DOCK2: variants seen among roughly 807,000 people sequenced by gnomAD.
DOCK2 encodes the protein dedicator of cytokinesis 2.
Under a neutral mutation model 248.9 loss-of-function variants are expected in DOCK2, and 87 were observed. The observed-to-expected ratio is 0.35, with a 90% confidence interval of 0.29 to 0.42. DOCK2 has a LOEUF of 0.42. DOCK2 is among the 10% of genes least tolerant of loss of function. DOCK2 has a pLI of 1.00. For missense variants in DOCK2, 1,747 were observed against 2,300.2 expected (o/e 0.76, Z 4.92); for synonymous variants, 805 against 821.6 (o/e 0.98, Z 0.35).
chr5:169,648,449 CTG>C (rs1167196919), intron 1 of DOCK2, among the ~76,000 whole-genome samples: 19 of 152,186 alleles, frequency 1.2e-4, no homozygotes, highest in African/African-American at 4.3e-4. Context: ...TCGCTAAAAA[CTG>C]TGCGCTACAA....
At chr5:169,914,541 A>T (rs1226421940) in intron 27 of DOCK2, among the ~76,000 whole-genome samples, 2 of 152,328 alleles carry the variant, frequency 1.3e-5, no homozygotes, top group South Asian at 2.1e-4. Flanking sequence ...GAATGTTAAA[A>T]CTGGCAGATA....
intron 30 of DOCK2, among the ~76,000 whole-genome samples, chr5:170,001,712 G>A (rs570506187): frequency 1.3e-5 from 2 of 152,326 alleles, no homozygotes; most frequent in East Asian, 3.9e-4. Flanking sequence ...CAGACGTGAT[G>A]TGCGATACTG....
At chr5:169,666,067 T>G (rs1326620824) in intron 2 of DOCK2, among the ~76,000 whole-genome samples, 1 of 152,178 alleles carries the variant, frequency 6.6e-6, no homozygotes, top group Admixed American at 6.5e-5. Context: ...TAAGAGGAAT[T>G]TATTCCTCAT....
chr5:170,079,849 C>A (rs995258736), intron 49 of DOCK2: 5 of 229,028 alleles, frequency 2.2e-5, no homozygotes, highest in Non-Finnish European at 4.2e-5. Context: ...TCCCAGTGGG[C>A]CTCGCAGGCT....
intron 7 of DOCK2, among the ~76,000 whole-genome samples, chr5:169,682,803 C>A (rs1759740990): frequency 6.6e-6 from 1 of 152,132 alleles, no homozygotes; most frequent in Admixed American, 6.5e-5. Flanking sequence ...TCTTTGTGCT[C>A]CTTCTCCAGC....
chr5:169,880,317 C>T (rs1233282579), intron 27 of DOCK2, among the ~76,000 whole-genome samples: 1 of 152,200 alleles, frequency 6.6e-6, no homozygotes, highest in Non-Finnish European at 1.5e-5. Context: ...CACCTTCTGC[C>T]TTCCAGGCAT....
intron 27 of DOCK2, among the ~76,000 whole-genome samples, chr5:169,970,024 C>T (rs1459899361): frequency 1.3e-5 from 2 of 152,240 alleles, no homozygotes; most frequent in Non-Finnish European, 2.9e-5. Flanking sequence ...CTACAGGCTG[C>T]CTTTTTGAGG....
chr5:169,917,673 AAATGAAGGGGAG>A, intron 27 of DOCK2, among the ~76,000 whole-genome samples: 2 of 152,316 alleles, frequency 1.3e-5, no homozygotes, highest in East Asian at 3.9e-4. Context: ...ATAGAAAGAG[AAATGAAGGGGAG>A]AACATGTCCC....
At chr5:169,907,620 CT>C (rs2113607812) in intron 27 of DOCK2, among the ~76,000 whole-genome samples, 1 of 152,290 alleles carries the variant, frequency 6.6e-6, no homozygotes, top group South Asian at 2.1e-4. Flanking sequence ...GTTCAATTAC[CT>C]CTGTTCTACA....
At chr5:169,708,562 A>C (rs1761405896) in intron 15 of DOCK2, among the ~76,000 whole-genome samples, 2 of 114,050 alleles carry the variant, frequency 1.8e-5, no homozygotes. Context: ...AACAATTAGC[A>C]TTCTTCTTTT....
At chr5:169,898,622 T>C (rs1395466683) in intron 27 of DOCK2, among the ~76,000 whole-genome samples, 1 of 152,142 alleles carries the variant, frequency 6.6e-6, no homozygotes, top group African/African-American at 2.4e-5. Context: ...TAACATAGTG[T>C]CTATCTTATC....
intron 26 of DOCK2, among the ~76,000 whole-genome samples, chr5:169,817,676 C>T (rs987361397): frequency 6.6e-6 from 1 of 152,238 alleles, no homozygotes; most frequent in Admixed American, 6.5e-5. Flanking sequence ...GTGTCCACCC[C>T]TGTCTCTTGG....
chr5:169,875,326 G>C (rs1772261137), intron 27 of DOCK2: 3 of 456,528 alleles, frequency 6.6e-6, no homozygotes. Context: ...AGACACCCAG[G>C]AGGTTCCGAT....
intron 2 of DOCK2, among the ~76,000 whole-genome samples, chr5:169,659,241 G>T (rs1006916276): frequency 5.3e-5 from 8 of 152,026 alleles, no homozygotes; most frequent in African/African-American, 1.7e-4. Context: ...CCCTGCTTCT[G>T]CTACCCACTA....
intron 1 of DOCK2, among the ~76,000 whole-genome samples, chr5:169,644,601 A>ACCTTTTGT (rs1284570557): frequency 4.7e-5 from 7 of 148,718 alleles, no homozygotes; most frequent in African/African-American, 1.7e-4. Context: ...CCATTGCCTT[A>ACCTTTTGT]CCTTTTGTAC....
Position 170,008,919 on chromosome 5 carries a change from GT to G in DOCK2, c.3232+175del, listed in dbSNP as rs1755171331. 3.3e-5 allele frequency among the ~76,000 whole-genome samples: 5 copies of G among 152,000 alleles called. No homozygotes were observed. The South Asian group carries it at 1.0e-3, about 32-fold the overall frequency. On this transcript the variant is annotated intron_variant, in intron 32 of 51. Transcript: ENST00000520908. ...CCTGATTATACTCTGAATAAGAGGGGTTCCCCATACCCACTTCTACCCCCAG... is the reference window on the plus strand; with the variant it reads ...CCTGATTATACTCTGAATAAGAGGGGTCCCCATACCCACTTCTACCCCCAG...
intron 27 of DOCK2, among the ~76,000 whole-genome samples, chr5:169,912,209 CT>C (rs1239661122): frequency 6.6e-6 from 1 of 151,964 alleles, no homozygotes; most frequent in Non-Finnish European, 1.5e-5. Flanking sequence ...ATAGGCCAGG[CT>C]TTTATTTATT....
At chr5:169,715,085 C>T (rs551828442) in intron 19 of DOCK2, among the ~76,000 whole-genome samples, 55 of 151,848 alleles carry the variant, frequency 3.6e-4, no homozygotes, top group African/African-American at 1.2e-3. Flanking sequence ...GTATTAAAGA[C>T]GGGAAAGGGA....
rs879765123 is a variant in DOCK2 at position 170,062,716 on chromosome 5, GA to G, written c.4468-4788del. Among the ~76,000 whole-genome samples the G allele has an allele frequency of 2.6e-5, 4 of 152,194 alleles. No homozygotes were observed. The East Asian group carries it at 7.7e-4, about 29-fold the overall frequency. On this transcript the variant is annotated intron_variant, in intron 44 of 51. Transcript: ENST00000520908. ...ATATGCAAGTCTCTTTAGACCACAG[GA>G]AAAAATCAGTGGTTTTATATGGGTG...
Sources: allele counts gnomAD v4.1 joint callset (sites outside exome capture counted in the v4.1 genomes callset), GRCh38; gene constraint gnomAD v4.1.1; transcripts MANE v1.5; gene names NCBI Gene and HGNC (gene_info 2026-07-23, HGNC 2026-07-21).